ANKRD29: variants seen among roughly 807,000 people sequenced by gnomAD.
ANKRD29 encodes ankyrin repeat domain-containing protein 29.
ANKRD29 carries 32 observed loss-of-function variants against 38.0 expected under a neutral mutation model. That is an observed-to-expected ratio of 0.84 (90% CI 0.64 to 1.13). The LOEUF (loss-of-function observed/expected upper bound fraction) is 1.13, where lower values mean the gene tolerates loss of function less well. ANKRD29 is among the 50% of genes most tolerant of loss of function. ANKRD29 has a pLI of 0.00. For synonymous variants in ANKRD29, 135 were observed against 152.4 expected, an observed-to-expected ratio of 0.89 and a Z score of 0.84; for missense variants, 357 against 377.9, an observed-to-expected ratio of 0.94 and a Z score of 0.46.
intron 3 of ANKRD29, among the ~76,000 whole-genome samples, chr18:23,642,298 C>G (rs1055777366): frequency 6.6e-6 from 1 of 152,012 alleles, no homozygotes; most frequent in African/African-American, 2.4e-5. Context: ...GCTCCCTGAG[C>G]CAGGGCTATG....
chr18:23,654,686 T>C (rs535288360), intron 1 of ANKRD29, among the ~76,000 whole-genome samples: 74 of 151,968 alleles, frequency 4.9e-4, no homozygotes, highest in Non-Finnish European at 9.0e-4. Context: ...TCTTACATTT[T>C]ACACCTTGTA....
intron 9 of ANKRD29, among the ~76,000 whole-genome samples, chr18:23,608,303 A>G (rs938593116): frequency 3.3e-5 from 5 of 152,204 alleles, no homozygotes; most frequent in Admixed American, 2.6e-4. Flanking sequence ...AGCTGCTATT[A>G]GCAAGACTGG....
At chr18:23,636,380 T>C (rs1469811532) in intron 4 of ANKRD29, among the ~76,000 whole-genome samples, 1 of 152,128 alleles carries the variant, frequency 6.6e-6, no homozygotes, top group Non-Finnish European at 1.5e-5. Context: ...GCTCAAGCAA[T>C]CCTCCCACCC....
intron 4 of ANKRD29, among the ~76,000 whole-genome samples, chr18:23,636,558 A>G (rs2060005355): frequency 6.7e-6 from 1 of 148,886 alleles, no homozygotes; most frequent in Admixed American, 6.7e-5. Context: ...GAGCCATCCC[A>G]CCTGGCCTCT....
intron 9 of ANKRD29, among the ~76,000 whole-genome samples, chr18:23,605,324 C>T (rs2059561964): frequency 6.6e-6 from 1 of 151,948 alleles, no homozygotes. Flanking sequence ...GCCTCAAACT[C>T]TCTGGGCTCA....
intron 6 of ANKRD29, among the ~76,000 whole-genome samples, chr18:23,629,380 T>C (rs1480378026): frequency 2.0e-5 from 3 of 152,260 alleles, no homozygotes; most frequent in Non-Finnish European, 4.4e-5. Context: ...TTGTGAGAGA[T>C]GAAGGTGCAG....
chr18:23,662,776 C>T lies in ANKRD29; in HGVS notation c.-46G>A. 2 of 1,437,896 alleles carry T rather than the reference C, an allele frequency of 1.4e-6. No homozygotes were observed. The highest frequency in any genetic ancestry group is 1.8e-6 in the Non-Finnish European group (2 of 1,096,966). The allele number at this position is 1,437,896 out of a possible 1,614,324, so 89.1% of individuals were successfully genotyped here. ...GAGCCGGCGCGCTTTGGGCCCGGGG[C>T]GCCTTGTCCTCCCCGGCCCTTCACT... On this transcript the variant is annotated 5_prime_UTR_variant, in exon 1 of 10. Coordinates refer to ENST00000592179, the MANE Select transcript of ANKRD29 (RefSeq NM_173505.4).
chr18:23,645,790 T>G (rs2060131197), intron 3 of ANKRD29, among the ~76,000 whole-genome samples: 1 of 152,142 alleles, frequency 6.6e-6, no homozygotes, highest in South Asian at 2.1e-4. Context: ...GGAGGATGAT[T>G]GAGACATCCT....
At chr18:23,657,338 G>A (rs1262716343) in intron 1 of ANKRD29, among the ~76,000 whole-genome samples, 1 of 152,160 alleles carries the variant, frequency 6.6e-6, no homozygotes, top group Non-Finnish European at 1.5e-5. Flanking sequence ...ACAGCGAATG[G>A]AGCCCAGCTC....
chr18:23,662,294 G>A (rs1328986686), intron 1 of ANKRD29, among the ~76,000 whole-genome samples: 1 of 152,160 alleles, frequency 6.6e-6, no homozygotes, highest in East Asian at 1.9e-4. Context: ...CCACCCCTCC[G>A]GGGAGGAGGC....
At position 23,617,789 on chromosome 18, in the gene ANKRD29, C is replaced by T. The variant is rs923601583; in HGVS notation, c.666G>A (p.Gly222=). 3.1e-6 allele frequency: 5 copies of T among 1,614,086 alleles called. No individual in the cohort carries two copies. The highest frequency in any genetic ancestry group is 3.4e-6 in the Non-Finnish European group (4 of 1,179,998). ...TTALLKAANK[G]YNDVIKELLK... is the part of the protein sequence containing the mutation. The stretch of plus-strand genomic sequence containing the variant: ...GCAACTCTTTTATGACATCATTATA[C>T]CCTTTGTTGGCTGCTTTCAATAATG... Residue 222 remains glycine, a synonymous_variant, in exon 8 of 10, where the codon GGG becomes GGA. Coordinates refer to ENST00000592179, the MANE Select transcript of ANKRD29 (RefSeq NM_173505.4).
chr18:23,661,435 G>A (rs1178007245), intron 1 of ANKRD29, among the ~76,000 whole-genome samples: 3 of 152,240 alleles, frequency 2.0e-5, no homozygotes, highest in African/African-American at 7.2e-5. Context: ...GCCGGGCGTA[G>A]TGGCTCACGC....
chr18:23,608,116 TTTAA>T (rs1264332450), intron 9 of ANKRD29, among the ~76,000 whole-genome samples: 2 of 152,248 alleles, frequency 1.3e-5, no homozygotes, highest in Admixed American at 6.5e-5. Flanking sequence ...TTGCAATTGC[TTTAA>T]TTGTCTTTAT....
At chr18:23,624,466 CAAAAAAAAAAAAAAAAAAAA>C (rs56005663) in intron 6 of ANKRD29, among the ~76,000 whole-genome samples, 7 of 32,442 alleles carry the variant, frequency 2.2e-4, no homozygotes, top group South Asian at 3.2e-3. Context: ...GACTCCATCT[CAAAAAAAAAAAAAAAAAAAA>C]AAAAAAAAAA....
At position 23,609,641 on chromosome 18, in the gene ANKRD29, T is replaced by C. The variant is rs372403193; in HGVS notation, c.822+2451A>G. 2.6e-5 allele frequency among the ~76,000 whole-genome samples: 4 copies of C among 152,332 alleles called. No individual in the cohort carries two copies. The East Asian group carries it at 5.8e-4, about 22-fold the overall frequency. ...CACTTGAAATTACTCATAACCATTA[T>C]TGTTGGTAGTTATTCCATTATTCTA... On this transcript the variant is annotated intron_variant, in intron 9 of 9. Coordinates refer to ENST00000592179, the MANE Select transcript of ANKRD29 (RefSeq NM_173505.4).
At chr18:23,633,720 G>A (rs980956515) in intron 5 of ANKRD29, among the ~76,000 whole-genome samples, 21 of 151,918 alleles carry the variant, frequency 1.4e-4, no homozygotes, top group South Asian at 4.2e-4. Flanking sequence ...ACAGGCACCC[G>A]CTACCATCCC....
intron 9 of ANKRD29, among the ~76,000 whole-genome samples, chr18:23,610,458 CAG>C (rs2145638873): frequency 6.6e-6 from 1 of 152,210 alleles, no homozygotes; most frequent in South Asian, 2.1e-4. Flanking sequence ...AGCCTGTCAA[CAG>C]AGTGAGACTC....
At chr18:23,646,626 A>G (rs2060143813) in intron 2 of ANKRD29, 2 of 179,202 alleles carry the variant, frequency 1.1e-5, no homozygotes, top group South Asian at 3.3e-4. Flanking sequence ...CTGAGCCAAA[A>G]CATTGCTATT....
intron 6 of ANKRD29, among the ~76,000 whole-genome samples, chr18:23,623,648 G>GTT (rs1237514164): frequency 6.9e-6 from 1 of 145,086 alleles, no homozygotes. Context: ...GATTTCATAT[G>GTT]TTTTTTTTTT....
Sources: gnomAD v4.1 joint callset for allele counts (sites outside exome capture counted in the v4.1 genomes callset) on GRCh38, gnomAD v4.1.1 for gene constraint, MANE v1.5 for transcripts, NCBI Gene and HGNC (gene_info 2026-07-23, HGNC 2026-07-21) for gene names.